The following SPDL1 variants were observed in gnomAD, a reference collection of about 807,000 sequenced individuals.
SPDL1 encodes the protein protein Spindly.
A neutral mutation model predicts 79.5 loss-of-function variants in SPDL1; 85 were observed. That is an observed-to-expected ratio of 1.07 (90% confidence interval 0.90 to 1.28). The LOEUF is 1.28. SPDL1 is among the 50% of genes most tolerant of loss of function. The pLI is 0.00. For synonymous variants in SPDL1, 269 were observed against 240.3 expected, an observed-to-expected ratio of 1.12 and a Z score of -1.10; for missense variants, 703 against 697.8, an observed-to-expected ratio of 1.01 and a Z score of -0.08.
chr5:169,591,326 T>G (rs1461360730), intron 3 of SPDL1, 102 bp downstream of exon 3: 1 of 1,197,410 alleles, frequency 8.4e-7, no homozygotes. Flanking sequence ...CTTTGCAAAA[T>G]AGCCAAGATC....
At chr5:169,587,457 A>T (rs1325774384) in intron 1 of SPDL1, 2 of 152,246 alleles carry the variant, frequency 1.3e-5, no homozygotes, top group Admixed American at 1.3e-4. Context: ...GTTTCTATAT[A>T]TAATGTTTAA....
At position 169,594,457 on chromosome 5, in the gene SPDL1, G is replaced by A; in HGVS notation, c.745G>A (p.Asp249Asn). 5 of 1,614,056 alleles carry A rather than the reference G, an allele frequency of 3.1e-6. No individual in the cohort carries two copies. The highest frequency in any genetic ancestry group is 3.4e-6 in the Non-Finnish European group (4 of 1,179,944). ...QLDQALQQAL[D>N]PNSKGNSLFA... Reference sequence around the variant, plus strand: ...GGACCAGGCACTCCAGCAAGCCTTGGATCCCAATAGTAAAGGCAACTCTTT... The same window carrying A: ...GGACCAGGCACTCCAGCAAGCCTTGAATCCCAATAGTAAAGGCAACTCTTT... The change falls in exon 6 of 12, where the codon GAT becomes AAT. Residue 249 changes from aspartate (D) to asparagine (N), a missense_variant. Transcript: ENST00000265295.
At chr5:169,595,653 T>C (rs1181778419) in intron 7 of SPDL1, 1 of 152,204 alleles carries the variant, frequency 6.6e-6, no homozygotes, top group Non-Finnish European at 1.5e-5. Context: ...CTCTCCCCTG[T>C]CTGGGAAGTA....
In SPDL1 at chr5:169,591,113, T is replaced by C. The variant is rs1755258050; in HGVS notation, c.225T>C (p.Ser75=). 1 of 1,613,874 alleles carries C rather than the reference T, an allele frequency of 6.2e-7. No homozygotes were observed. Among genetic ancestry groups the C allele is most frequent in the Admixed American group, 1.7e-5 (1 of 59,996 alleles). ...EVELKSRMLE[S]LSCECEAIKQ... ...AACTCAAGAGTCGAATGTTAGAAAG[T>C]TTGAGCTGCGAATGTGAAGCTATTA... Residue 75 remains serine (S), a synonymous_variant, in exon 3 of 12, where the codon AGT becomes AGC. Coordinates refer to ENST00000265295, the MANE Select transcript of SPDL1 (RefSeq NM_017785.5).
chr5:169,584,085 C>T (rs1334075959), intron 1 of SPDL1, 196 bp downstream of exon 1: 3 of 152,276 alleles, frequency 2.0e-5, no homozygotes, highest in African/African-American at 7.2e-5. Context: ...TCGCCGCCCT[C>T]AGGGATTCTG....
At chr5:169,593,584 C>T (rs74959796) in intron 4 of SPDL1, 36 bp downstream of exon 4, 1 of 1,444,618 alleles carries the variant, frequency 6.9e-7, no homozygotes, top group South Asian at 1.5e-5. Context: ...AGGGTTTTCT[C>T]TTTTTTTTTC....
chr5:169,585,990 A>G (rs1187549890), intron 1 of SPDL1: 1 of 152,190 alleles, frequency 6.6e-6, no homozygotes, highest in Non-Finnish European at 1.5e-5. Context: ...CTAGATCATC[A>G]GTTTTTCTTC....
intron 2 of SPDL1, among the ~76,000 whole-genome samples, chr5:169,589,537 T>C (rs904776011): frequency 1.3e-5 from 2 of 151,486 alleles, no homozygotes; most frequent in African/African-American, 4.9e-5. Context: ...TCCTCCCTTA[T>C]GGGCTTTACA....
rs773546901 is a variant in SPDL1, at chr5:169,601,427, C to T, written c.1472C>T (p.Pro491Leu). 1 of 1,614,034 alleles carries T rather than the reference C, an allele frequency of 6.2e-7. No individual in the cohort carries two copies. Among genetic ancestry groups the T allele is most frequent in the African/African-American group, 1.3e-5 (1 of 75,002 alleles). Reference sequence around the variant, plus strand: ...CAGAAAGAGGAGACACAGTCCTGCCCTAACAGTTTAGAAGATAACAACTTG... The same window carrying T: ...CAGAAAGAGGAGACACAGTCCTGCCTTAACAGTTTAGAAGATAACAACTTG... ...PPQKEETQSC[P>L]NSLEDNNLQL... The change falls in exon 11 of 12, where the codon CCT becomes CTT. Residue 491 changes from proline to leucine, a missense_variant. By Grantham distance (98) the Pro-to-Leu change is moderately conservative. Transcript: ENST00000265295.
At position 169,583,903 on chromosome 5, in the gene SPDL1, GC is replaced by G. The variant is rs1319466247; in HGVS notation, c.-24+16del. On this transcript the variant is annotated intron_variant, in intron 1 of 11. Transcript: ENST00000265295. Reference sequence around the variant, plus strand: ...CTAGCGTGAGAGGTAGGGGCAAGGGGCCTGGTGGGAGGTGGGTGTGGAGAGC... The same window carrying G: ...CTAGCGTGAGAGGTAGGGGCAAGGGGCTGGTGGGAGGTGGGTGTGGAGAGC... 2.6e-5 allele frequency: 4 copies of G among 152,522 alleles called. No individual in the cohort carries two copies. Among genetic ancestry groups the G allele is most frequent in the African/African-American group, 9.6e-5 (4 of 41,484 alleles). The allele number at this position is 152,522 out of a possible 1,614,324, so 9.4% of individuals were successfully genotyped here.
Position 169,601,391 on chromosome 5 carries a change from G to A in SPDL1, c.1436G>A (p.Arg479Gln), listed in dbSNP as rs747766603. 112 of 1,613,876 alleles carry A rather than the reference G, an allele frequency of 6.9e-5. No individual in the cohort carries two copies. Among genetic ancestry groups the A allele is most frequent in the Non-Finnish European group, 8.2e-5 (97 of 1,180,016 alleles). Reference sequence around the variant, plus strand: ...AGTGCTCTCGGGGGAGAAGTTTATCGATTACCGCCTCAGAAAGAGGAGACA... The same window carrying A: ...AGTGCTCTCGGGGGAGAAGTTTATCAATTACCGCCTCAGAAAGAGGAGACA... ...NNSALGGEVY[R>Q]LPPQKEETQS... The change falls in exon 11 of 12, where the codon CGA becomes CAA. Residue 479 changes from arginine (R) to glutamine (Q), a missense_variant. Physicochemically the swap from Arg to Gln is conservative, Grantham distance 43 (BLOSUM62 1). Transcript: ENST00000265295.
In SPDL1 at chr5:169,594,180, C is replaced by T. The variant is rs1755453829; in HGVS notation, c.567C>T (p.Tyr189=). 6.2e-7 allele frequency: 1 copy of T among 1,612,880 alleles called. No individual in the cohort carries two copies. The highest frequency in any genetic ancestry group is 1.7e-5 in the Admixed American group (1 of 59,778). ...AAGAAGAAGTGAATGAACTACAATA[C>T]AGACAAGAACAGCTAGAACTTCTTA... ...TLKEEVNELQ[Y]RQEQLELLIT... is the part of the protein sequence containing the mutation. The change falls in exon 5 of 12, where the codon TAC becomes TAT. Residue 189 remains tyrosine, a synonymous_variant. Transcript: ENST00000265295.
Position 169,596,641 on chromosome 5 carries a change from G to A in SPDL1, c.972G>A (p.Glu324=), listed in dbSNP as rs1337752837. ...AGGAACGGTTGCTTGCCATGTTGGA[G>A]CAGAAGAATGGTGAAATAAAACATC... The part of the protein sequence containing the change: ...EQQERLLAML[E]QKNGEIKHLL... The change falls in exon 8 of 12, where the codon GAG becomes GAA. Residue 324 remains glutamate, a synonymous_variant. Coordinates refer to ENST00000265295, the MANE Select transcript of SPDL1 (RefSeq NM_017785.5). 2 of 1,608,688 alleles carry A rather than the reference G, an allele frequency of 1.2e-6. No homozygotes were observed. Among genetic ancestry groups the A allele is most frequent in the South Asian group, 1.1e-5 (1 of 90,110 alleles).
At position 169,594,137 on chromosome 5, in the gene SPDL1, T is replaced by G. The variant is rs1168215453; in HGVS notation, c.532-8T>G. On this transcript the variant is annotated splice_region_variant and splice_polypyrimidine_tract_variant and intron_variant, in intron 4 of 11. Transcript: ENST00000265295. ...AGAATTTCCTCCTTTTCAATTCCTG[T>G]TAAATAGACCACCCTCAAAGAAGAA... The G allele has an allele frequency of 6.3e-7, 1 of 1,596,282 alleles. No individual in the cohort carries two copies. Among genetic ancestry groups the G allele is most frequent in the Non-Finnish European group, 8.5e-7 (1 of 1,174,704 alleles).
At chr5:169,598,307 G>A (rs975870779) in intron 8 of SPDL1, among the ~76,000 whole-genome samples, 169 bp from the exon 9 acceptor site, 5 of 152,166 alleles carry the variant, frequency 3.3e-5, no homozygotes, top group African/African-American at 1.2e-4. Context: ...TGTAAGAGAG[G>A]AATGTTAATT....
chr5:169,597,462 A>G (rs1755648319), intron 8 of SPDL1, among the ~76,000 whole-genome samples: 1 of 152,030 alleles, frequency 6.6e-6, no homozygotes, highest in African/African-American at 2.4e-5. Flanking sequence ...ACACTGTTTT[A>G]TTAATTATAA....
chr5:169,587,062 C>T (rs1755022744), intron 1 of SPDL1: 1 of 152,296 alleles, frequency 6.6e-6, no homozygotes, highest in Non-Finnish European at 1.5e-5. Context: ...GGCTGATTCT[C>T]TCATCTTCTG....
intron 2 of SPDL1, among the ~76,000 whole-genome samples, chr5:169,589,250 A>G (rs1255679733): frequency 6.6e-6 from 1 of 152,204 alleles, no homozygotes; most frequent in Non-Finnish European, 1.5e-5. Context: ...GATCACCATC[A>G]TCACTCCTAG....
At chr5:169,589,795 G>A (rs1381862212) in intron 2 of SPDL1, among the ~76,000 whole-genome samples, 5 of 151,242 alleles carry the variant, frequency 3.3e-5, no homozygotes, top group Non-Finnish European at 1.5e-5. Flanking sequence ...TCCACCTCCT[G>A]GGTTCAAGAG....
Sources: allele counts gnomAD v4.1 joint callset (sites outside exome capture counted in the v4.1 genomes callset), GRCh38; gene constraint gnomAD v4.1.1; transcripts MANE v1.5; gene names NCBI Gene and HGNC (gene_info 2026-07-23, HGNC 2026-07-21).